The following SPATS2 variants were observed in gnomAD, a reference collection of about 807,000 sequenced individuals.
SPATS2 encodes spermatogenesis-associated serine-rich protein 2.
Under a neutral mutation model 63.7 loss-of-function variants are expected in SPATS2, and 38 were observed. The observed-to-expected ratio is 0.60, with a 90% CI of 0.46 to 0.78. SPATS2 has a LOEUF of 0.78. SPATS2 is among the 30% of genes least tolerant of loss of function. SPATS2 has a pLI of 0.00. For synonymous variants in SPATS2, 207 were observed against 232.9 expected, an observed-to-expected ratio of 0.89 and a Z score of 1.01; for missense variants, 588 against 666.2, an observed-to-expected ratio of 0.88 and a Z score of 1.29.
At chr12:49,470,035 CT>C (rs1210800815) in intron 3 of SPATS2, among the ~76,000 whole-genome samples, 12 of 148,406 alleles carry the variant, frequency 8.1e-5, no homozygotes, top group Non-Finnish European at 1.2e-4. Context: ...GTTGTTTCTC[CT>C]TTTTTTTTTG....
chr12:49,496,729 C>A, intron 7 of SPATS2, 104 bp from the exon 8 acceptor site: 1 of 1,125,044 alleles, frequency 8.9e-7, no homozygotes. Context: ...TTTTAAGAGG[C>A]ATGGTTTTGC....
intron 2 of SPATS2, among the ~76,000 whole-genome samples, chr12:49,378,257 T>A (rs1329649796): frequency 6.7e-6 from 1 of 150,034 alleles, no homozygotes; most frequent in East Asian, 2.0e-4. Flanking sequence ...TATTTTGAGT[T>A]AATGTTTATT....
chr12:49,458,753 T>C (rs1039295337), intron 2 of SPATS2, among the ~76,000 whole-genome samples: 5 of 151,418 alleles, frequency 3.3e-5, no homozygotes, highest in African/African-American at 9.8e-5. Flanking sequence ...TTTTTTTAAT[T>C]GTTAGCACAT....
intron 4 of SPATS2, among the ~76,000 whole-genome samples, chr12:49,488,032 T>C (rs1032673819): frequency 6.6e-6 from 1 of 152,030 alleles, no homozygotes; most frequent in Non-Finnish European, 1.5e-5. Context: ...AAATGATGTA[T>C]ATTATTTTTC....
At chr12:49,473,247 C>G (rs980291786) in intron 3 of SPATS2, among the ~76,000 whole-genome samples, 6 of 152,016 alleles carry the variant, frequency 3.9e-5, no homozygotes, top group African/African-American at 1.5e-4. Flanking sequence ...AAAAACCCAT[C>G]TCTACTAAAA....
intron 13 of SPATS2, among the ~76,000 whole-genome samples, chr12:49,525,634 ACTTGTCCAATCGAGGG>A (rs930733360): frequency 1.5e-3 from 229 of 152,312 alleles, no homozygotes; most frequent in African/African-American, 5.4e-3. Flanking sequence ...AATATAATAT[ACTTGTCCAATCGAGGG>A]CTTGTAACAA....
chr12:49,412,679 G>C (rs1161155431), intron 2 of SPATS2, among the ~76,000 whole-genome samples: 2 of 151,616 alleles, frequency 1.3e-5, no homozygotes, highest in Middle Eastern at 3.4e-3. Context: ...CCAGGAGTTT[G>C]AGACTTCAGT....
At chr12:49,504,004 T>C (rs1292240893) in intron 9 of SPATS2, among the ~76,000 whole-genome samples, 1 of 152,202 alleles carries the variant, frequency 6.6e-6, no homozygotes, top group Non-Finnish European at 1.5e-5. Flanking sequence ...TTTGCTCTGG[T>C]TGATTGAGTT....
At chr12:49,519,544 G>C (rs1010049142) in intron 11 of SPATS2, among the ~76,000 whole-genome samples, 29 of 152,052 alleles carry the variant, frequency 1.9e-4, no homozygotes, top group African/African-American at 7.0e-4. Context: ...CATCCATTCT[G>C]TCTCTGCCCC....
chr12:49,488,764 T>C (rs765724437), intron 4 of SPATS2, among the ~76,000 whole-genome samples: 11 of 152,222 alleles, frequency 7.2e-5, no homozygotes, highest in African/African-American at 1.7e-4. Flanking sequence ...AATATTTATG[T>C]ATTTATGTAG....
chr12:49,442,785 T>TAAAAAAA (rs1945442679), intron 2 of SPATS2: 11 of 62,920 alleles, frequency 1.7e-4, no homozygotes, highest in African/African-American at 4.6e-4. Context: ...CCATGTCTCC[T>TAAAAAAA]TAAAAAAAAA....
chr12:49,379,524 A>G (rs1285141343), intron 2 of SPATS2, among the ~76,000 whole-genome samples: 1 of 131,952 alleles, frequency 7.6e-6, no homozygotes, highest in Non-Finnish European at 1.6e-5. Context: ...GCACTCCAGC[A>G]TGGGTGACAG....
Position 49,519,302 on chromosome 12 carries a change from G to T in SPATS2, c.1008+120G>T. On this transcript the variant is annotated intron_variant, in intron 11 of 13. Coordinates refer to ENST00000552918, the MANE Select transcript of SPATS2 (RefSeq NM_023071.4). ...TCATGATCTTCCTTTCCCAAACCTG[G>T]CCCTCTTCCAAGTCCCTTTCTCTGT... 2.7e-6 allele frequency: 2 copies of T among 741,486 alleles called. 1 individual carries two copies. The highest frequency in any genetic ancestry group is 4.2e-6 in the Non-Finnish European group (2 of 479,198). The allele number at this position is 741,486 out of a possible 1,614,324, so 45.9% of individuals were successfully genotyped here.
At chr12:49,442,753 C>A (rs1945441215) in intron 2 of SPATS2, 1 of 122,976 alleles carries the variant, frequency 8.1e-6, no homozygotes, top group Non-Finnish European at 1.6e-5. Flanking sequence ...CACTGCCCTC[C>A]AGTCTGGGCA....
intron 2 of SPATS2, among the ~76,000 whole-genome samples, chr12:49,443,116 G>A (rs1027131288): frequency 6.6e-6 from 1 of 152,136 alleles, no homozygotes; most frequent in Admixed American, 6.6e-5. Flanking sequence ...TCCATTGTAT[G>A]TATATACTTT....
At chr12:49,384,776 C>T (rs376396275) in intron 2 of SPATS2, among the ~76,000 whole-genome samples, 32 of 152,086 alleles carry the variant, frequency 2.1e-4, no homozygotes, top group African/African-American at 6.7e-4. Context: ...TGTGTAAATA[C>T]GATCATCCAT....
chr12:49,430,947 G>A (rs1456409304), intron 2 of SPATS2, among the ~76,000 whole-genome samples: 2 of 152,104 alleles, frequency 1.3e-5, no homozygotes, highest in Admixed American at 1.3e-4. Context: ...TGATCCACCC[G>A]CCTCAGTGGG....
At chr12:49,408,067 A>T (rs556182270) in intron 2 of SPATS2, among the ~76,000 whole-genome samples, 17 of 152,344 alleles carry the variant, frequency 1.1e-4, no homozygotes, top group African/African-American at 4.1e-4. Context: ...GTAAAATGCT[A>T]TATGAGTTAA....
chr12:49,417,365 A>T (rs1944906200), intron 2 of SPATS2, among the ~76,000 whole-genome samples: 1 of 152,216 alleles, frequency 6.6e-6, no homozygotes, highest in Admixed American at 6.5e-5. Flanking sequence ...TCTTGTAGGG[A>T]TACTCCTAAG....
Sources: allele counts gnomAD v4.1 joint callset (sites outside exome capture counted in the v4.1 genomes callset), GRCh38; gene constraint gnomAD v4.1.1; transcripts MANE v1.5; gene names NCBI Gene and HGNC (gene_info 2026-07-23, HGNC 2026-07-21).